SPATA13: variants seen among roughly 807,000 people sequenced by gnomAD.
SPATA13 encodes spermatogenesis-associated protein 13.
A neutral mutation model predicts 104.0 loss-of-function variants in SPATA13; 50 were observed. The ratio of observed to expected loss-of-function variants is 0.48; its 90% confidence interval spans 0.38 to 0.61. The LOEUF is 0.61. SPATA13 is among the 20% of genes least tolerant of loss of function. SPATA13 has a pLI of 0.00. For missense variants in SPATA13, 1,524 were observed against 1,690.6 expected, an observed-to-expected ratio of 0.90 and a Z score of 1.73; for synonymous variants, 606 against 667.5, an observed-to-expected ratio of 0.91 and a Z score of 1.42.
chr13:24,007,977 A>G (rs1293193274), intron 2 of SPATA13, among the ~76,000 whole-genome samples: 1 of 152,204 alleles, frequency 6.6e-6, no homozygotes, highest in Non-Finnish European at 1.5e-5. Flanking sequence ...CTGGGGGGAA[A>G]TGGAGGCAGG....
At chr13:24,283,146 T>C (rs1566191287) in intron 4 of SPATA13, among the ~76,000 whole-genome samples, 1 of 152,214 alleles carries the variant, frequency 6.6e-6, no homozygotes, top group Non-Finnish European at 1.5e-5. Context: ...AGTCGCCTGC[T>C]CCTCTTCCAG....
At chr13:24,258,235 C>CA (rs58659073) in intron 4 of SPATA13, among the ~76,000 whole-genome samples, 32,702 of 139,258 alleles carry the variant, frequency 0.23, 3,960 homozygotes, top group African/African-American at 0.33. Context: ...AACTCTATCT[C>CA]AAAAAAAAAA....
intron 3 of SPATA13, among the ~76,000 whole-genome samples, chr13:24,138,914 C>T (rs948425656): frequency 2.6e-5 from 4 of 152,090 alleles, no homozygotes; most frequent in African/African-American, 9.7e-5. Flanking sequence ...TCATATCCTT[C>T]ATCTAGTGGA....
At chr13:24,289,300 A>T in intron 8 of SPATA13, 122 bp downstream of exon 8, 1 of 783,382 alleles carries the variant, frequency 1.3e-6, no homozygotes, top group Non-Finnish European at 2.0e-6. Flanking sequence ...CTTCCATAGA[A>T]AGGAGATGTT....
chr13:24,153,279 C>T (rs1882158878), intron 3 of SPATA13, among the ~76,000 whole-genome samples: 1 of 152,168 alleles, frequency 6.6e-6, no homozygotes, highest in South Asian at 2.1e-4. Context: ...ATGTGGGTGC[C>T]CCATTTTCCA....
chr13:24,122,462 G>C, intron 3 of SPATA13: 11 of 1,606,802 alleles, frequency 6.8e-6, no homozygotes, highest in Non-Finnish European at 8.5e-6. Flanking sequence ...TCACCAGCCT[G>C]CTTAGCCAGA....
chr13:24,096,295 A>G (rs186063881), intron 3 of SPATA13, among the ~76,000 whole-genome samples: 1 of 152,284 alleles, frequency 6.6e-6, no homozygotes, highest in East Asian at 1.9e-4. Flanking sequence ...AGAGTGTTAT[A>G]ATAGAAAATA....
At chr13:24,178,700 C>T (rs986383418) in intron 1 of SPATA13, among the ~76,000 whole-genome samples, 3 of 152,188 alleles carry the variant, frequency 2.0e-5, no homozygotes, top group African/African-American at 7.2e-5. Context: ...CTGCCTGTTA[C>T]CACCTTCTGT....
chr13:24,122,268 G>C, intron 3 of SPATA13: 1 of 1,338,726 alleles, frequency 7.5e-7, no homozygotes, highest in Non-Finnish European at 1.1e-6. Context: ...ACAGGATTAC[G>C]ATTTTGAATA....
At chr13:24,029,573 A>G (rs545105197) in intron 3 of SPATA13, among the ~76,000 whole-genome samples, 3 of 152,244 alleles carry the variant, frequency 2.0e-5, no homozygotes, top group Non-Finnish European at 4.4e-5. Context: ...ATATTAACAT[A>G]TAGACTGTTC....
At chr13:24,278,908 CCTT>C in intron 4 of SPATA13, 1 of 1,247,256 alleles carries the variant, frequency 8.0e-7, no homozygotes, top group Non-Finnish European at 1.1e-6. Context: ...TTCCTTCCTT[CCTT>C]CCTTCCTTCC....
intron 9 of SPATA13, among the ~76,000 whole-genome samples, chr13:24,293,891 C>T (rs1593510604): frequency 6.6e-6 from 1 of 152,304 alleles, no homozygotes; most frequent in Admixed American, 6.5e-5. Context: ...CCCATGGCTG[C>T]GCAGGAGGAT....
chr13:24,250,881 G>A (rs777114877), intron 3 of SPATA13, among the ~76,000 whole-genome samples: 4 of 152,188 alleles, frequency 2.6e-5, no homozygotes. Context: ...CACAGCCTTA[G>A]AAAGGGTTTC....
chr13:24,066,303 C>T (rs1878961784), intron 3 of SPATA13, among the ~76,000 whole-genome samples: 1 of 152,158 alleles, frequency 6.6e-6, no homozygotes, highest in Admixed American at 6.5e-5. Flanking sequence ...TCACACATAC[C>T]TCATTTCACC....
At chr13:24,015,197 A>AT (rs1378193848) in intron 2 of SPATA13, among the ~76,000 whole-genome samples, 3 of 152,068 alleles carry the variant, frequency 2.0e-5, no homozygotes, top group African/African-American at 7.2e-5. Flanking sequence ...TGGCCACTGG[A>AT]TTTTTATAGT....
At chr13:24,281,531 T>A (rs530757032) in intron 4 of SPATA13, among the ~76,000 whole-genome samples, 2 of 152,166 alleles carry the variant, frequency 1.3e-5, no homozygotes, top group African/African-American at 2.4e-5. Flanking sequence ...TGCGGACCCA[T>A]GGGCCATGCC....
chr13:24,221,953 T>G (rs893715331), intron 1 of SPATA13, among the ~76,000 whole-genome samples: 6 of 151,944 alleles, frequency 3.9e-5, no homozygotes, highest in African/African-American at 1.5e-4. Context: ...GCTAGGATTA[T>G]AGGTGCACAT....
upstream of SPATA13, among the ~76,000 whole-genome samples, chr13:24,160,018 A>G (rs1269979519): frequency 6.6e-6 from 1 of 152,202 alleles, no homozygotes; most frequent in Non-Finnish European, 1.5e-5. Flanking sequence ...GAGCCTCACA[A>G]GAAAGGTGAT....
rs755374246 is a variant in SPATA13 at position 24,286,879 on chromosome 13, C to T, written c.2596C>T (p.Arg866Trp). Residue 866 changes from arginine (R) to tryptophan (W), a missense_variant, in exon 7 of 13, where the codon CGG becomes TGG. Physicochemically the swap from Arg to Trp is moderately radical, Grantham distance 101 (BLOSUM62 -3). Around this residue, in one of 2 missense-constraint regions of SPATA13, gnomAD observed 435 missense variants for 554.8 expected, o/e 0.78. Transcript: ENST00000382108. This position sits in a 1 kb window ranked among gnomAD's most constrained non-coding sequence, Gnocchi z 4.9. ...ACACTGTGAGAACAAGCAGCAGATG[C>T]GGACCAACGTCATCCGGGAGATCAT... is the stretch of plus-strand genomic sequence containing the variant. Reference protein sequence around the residue: ...HRHCENKQQMRTNVIREIMDT... With the variant: ...HRHCENKQQMWTNVIREIMDT... 9 of 1,613,848 alleles carry T rather than the reference C, an allele frequency of 5.6e-6. No homozygotes were observed. The highest frequency in any genetic ancestry group is 1.3e-5 in the African/African-American group (1 of 74,984).
Sources: gnomAD v4.1 joint callset for allele counts (sites outside exome capture counted in the v4.1 genomes callset) on GRCh38, gnomAD v4.1.1 for gene constraint, gnomAD v4.1.1 regional missense constraint, Gnocchi (gnomAD v3.1) non-coding constraint, MANE v1.5 for transcripts, NCBI Gene and HGNC (gene_info 2026-07-23, HGNC 2026-07-21) for gene names.